Variants in KCNT1 observed in about 807,000 individuals in gnomAD.
KCNT1 encodes potassium sodium-activated channel subfamily T member 1, also known as potassium channel subfamily T member 1.
Under a neutral mutation model 147.8 loss-of-function variants are expected in KCNT1, and 78 were observed. That is an observed-to-expected ratio of 0.53 (90% CI 0.44 to 0.64). The LOEUF (loss-of-function observed/expected upper bound fraction) is 0.64. Among genes scored for constraint, KCNT1 ranks in the 30% least tolerant of loss-of-function variants. The pLI is 0.00. For synonymous variants in KCNT1, 867 were observed against 748.8 expected, an observed-to-expected ratio of 1.16 and a Z score of -2.58; for missense variants, 1,419 against 1,750.3, an observed-to-expected ratio of 0.81 and a Z score of 3.38.
intron 11 of KCNT1, among the ~76,000 whole-genome samples, chr9:135,762,269 C>T (rs1374306763): frequency 6.6e-6 from 1 of 152,192 alleles, no homozygotes; most frequent in East Asian, 1.9e-4. Context: ...CGTAGAGAGA[C>T]TCCCATCTCT....
At chr9:135,775,464 G>C (rs369574324) in intron 20 of KCNT1, 49 bp downstream of exon 20, 4 of 1,414,224 alleles carry the variant, frequency 2.8e-6, no homozygotes, top group Non-Finnish European at 3.9e-6. Flanking sequence ...CGCCAGCACC[G>C]GGCCGTGCAT....
chr9:135,771,158 A>T, intron 18 of KCNT1, 63 bp downstream of exon 18: 1 of 1,454,594 alleles, frequency 6.9e-7, no homozygotes, highest in Non-Finnish European at 9.4e-7. Flanking sequence ...ACCAGGCGGG[A>T]CACCGGCAGG....
chr9:135,770,178 C>A, intron 16 of KCNT1, 120 bp from the exon 17 acceptor site: 1 of 1,402,870 alleles, frequency 7.1e-7, no homozygotes, highest in South Asian at 1.3e-5. Context: ...GGGCAAAAGT[C>A]CTGCATAGGG....
chr9:135,721,059 G>A lies in KCNT1; in HGVS notation c.254+6339G>A, dbSNP rs562107386. Among the ~76,000 whole-genome samples, 46 of 152,340 alleles carry A rather than the reference G, an allele frequency of 3.0e-4. 1 individual carries two copies. The South Asian group carries it at 8.7e-3, about 29-fold the overall frequency. On this transcript the variant is annotated intron_variant, in intron 2 of 30. Transcript: ENST00000371757. ...GGCCGTGAAGGTTCGAGGAGGAGTC[G>A]GGGAACCATGCAGGGTGAGGGCTGG...
chr9:135,735,259 T>G (rs1830287712), intron 2 of KCNT1, among the ~76,000 whole-genome samples: 1 of 152,186 alleles, frequency 6.6e-6, no homozygotes, highest in African/African-American at 2.4e-5. Flanking sequence ...GGGAGGGCGC[T>G]AGGGCAGGTA....
At position 135,710,928 on chromosome 9, in the gene KCNT1, C is replaced by T. The variant is rs1471157136; in HGVS notation, c.111-3649C>T. On this transcript the variant is annotated intron_variant, in intron 1 of 30. Coordinates refer to ENST00000371757, the MANE Select transcript of KCNT1 (RefSeq NM_020822.3). Reference sequence around the variant, plus strand: ...CAGTCCATCTCTCAGGAACGCTGTGCGCCCCTGTGGGTTTGGGGCTCCCGC... The same window carrying T: ...CAGTCCATCTCTCAGGAACGCTGTGTGCCCCTGTGGGTTTGGGGCTCCCGC... 2.0e-5 allele frequency among the ~76,000 whole-genome samples: 3 copies of T among 152,274 alleles called. No homozygotes were observed. In the South Asian group the frequency reaches 6.2e-4, roughly 32 times the overall value.
rs1325716557 is a variant in KCNT1 at position 135,714,426 on chromosome 9, G to A, written c.111-151G>A. On this transcript the variant is annotated intron_variant, in intron 1 of 30. Coordinates refer to ENST00000371757, the MANE Select transcript of KCNT1 (RefSeq NM_020822.3). The surrounding 1 kb of genome is among the most constrained non-coding windows in gnomAD (Gnocchi z 6.2). ...CCGCGCGCCCCCGCCCGCATGTGCC[G>A]CCAGGCCCGCCCCCGCCCGGCCGCC... 7.5e-6 allele frequency: 2 copies of A among 266,030 alleles called. No homozygotes were observed. Among genetic ancestry groups the A allele is most frequent in the Non-Finnish European group, 1.1e-5 (2 of 177,258 alleles). 16.5% of individuals were successfully genotyped at this position (266,030 alleles called of 1,614,324 possible).
In KCNT1 at chr9:135,786,267, C is replaced by A; in HGVS notation, c.3248C>A (p.Ala1083Asp). The A allele has an allele frequency of 6.2e-7, 1 of 1,610,644 alleles. No homozygotes were observed. The highest frequency in any genetic ancestry group is 8.5e-7 in the Non-Finnish European group (1 of 1,179,252). ...GTGAAGGGGCCCTGGGGCTCCCGCG[C>A]TGGCACCGGAGGCAGCTCCCAGGGC... ...REVKGPWGSR[A>D]GTGGSSQGRH... The change falls in exon 29 of 31, where the codon GCT (alanine) becomes GAT (aspartate). Residue 1083 changes from alanine to aspartate, a missense_variant. Coordinates refer to ENST00000371757, the MANE Select transcript of KCNT1 (RefSeq NM_020822.3).
At chr9:135,754,059 T>A in intron 5 of KCNT1, 66 bp downstream of exon 5, 2 of 1,400,210 alleles carry the variant, frequency 1.4e-6, no homozygotes, top group Non-Finnish European at 2.0e-6. Flanking sequence ...TGGGGTGGGA[T>A]GAGTCTCCAC....
rs1180948149 is a variant in KCNT1 at position 135,714,909 on chromosome 9, A to AG, written c.254+194dup. Reference sequence around the variant, plus strand: ...GGGCAGGGGGAAGCATCTTCTCGGGAGGGGGTCTCCGGAGGAGGGCGCGGG... The same window carrying AG: ...GGGCAGGGGGAAGCATCTTCTCGGGAGGGGGGTCTCCGGAGGAGGGCGCGGG... On this transcript the variant is annotated intron_variant, in intron 2 of 30. Coordinates refer to ENST00000371757, the MANE Select transcript of KCNT1 (RefSeq NM_020822.3). The surrounding 1 kb of genome is among the most constrained non-coding windows in gnomAD (Gnocchi z 6.2). Among the ~76,000 whole-genome samples, 3 of 151,902 alleles carry AG rather than the reference A, an allele frequency of 2.0e-5. No homozygotes were observed. The highest frequency in any genetic ancestry group is 4.4e-5 in the Non-Finnish European group (3 of 67,952).
In KCNT1 at chr9:135,785,318, C is replaced by T. The variant is rs1215367141; in HGVS notation, c.3165C>T (p.Asp1055=). The change falls in exon 28 of 31, where the codon GAC becomes GAT. Residue 1055 remains aspartate, a synonymous_variant. Coordinates refer to ENST00000371757, the MANE Select transcript of KCNT1 (RefSeq NM_020822.3). ...SHVFSTSEPH[D]LRAQSQISVN... ...GCCTGTTTCCTTTGCAGCCCCACGA[C>T]CTCAGAGCCCAGGTAAGCAACCCCT... 6.2e-7 allele frequency: 1 copy of T among 1,613,056 alleles called. No individual in the cohort carries two copies. Among genetic ancestry groups the T allele is most frequent in the South Asian group, 1.1e-5 (1 of 91,084 alleles).
chr9:135,770,782 T>C, intron 17 of KCNT1, 75 bp from the exon 18 acceptor site: 1 of 1,365,482 alleles, frequency 7.3e-7, no homozygotes, highest in Non-Finnish European at 1.0e-6. Flanking sequence ...TCTGGTGATT[T>C]GCAGGAAGGG....
chr9:135,771,913 C>T (rs559270165), intron 18 of KCNT1, among the ~76,000 whole-genome samples: 1 of 152,346 alleles, frequency 6.6e-6, no homozygotes, highest in African/African-American at 2.4e-5. Flanking sequence ...TGGGGCACCC[C>T]AGCACGCCCA....
intron 27 of KCNT1, among the ~76,000 whole-genome samples, 160 bp downstream of exon 27, chr9:135,785,049 C>T (rs936125540): frequency 6.6e-6 from 1 of 152,186 alleles, no homozygotes; most frequent in African/African-American, 2.4e-5. Context: ...ATCAGCTTTG[C>T]TATTGCTGGC....
chr9:135,761,221 C>T (rs1376630607), intron 11 of KCNT1, among the ~76,000 whole-genome samples: 2 of 152,208 alleles, frequency 1.3e-5, no homozygotes, highest in Non-Finnish European at 2.9e-5. Flanking sequence ...ATCATTCCCT[C>T]CCTCGATCAT....
At chr9:135,786,640 GTCTGTCT>G in intron 29 of KCNT1, 119 bp downstream of exon 29, 1 of 983,520 alleles carries the variant, frequency 1.0e-6, no homozygotes, top group South Asian at 1.8e-5. Flanking sequence ...TCTGTCATCT[GTCTGTCT>G]GTCAGCCTTT....
intron 21 of KCNT1, 123 bp downstream of exon 21, chr9:135,777,633 C>G: frequency 1.1e-6 from 1 of 891,972 alleles, no homozygotes. Context: ...GGCCTCTGGC[C>G]TGGTCCTCTC....
At chr9:135,766,916 C>G (rs1163759525) in intron 13 of KCNT1, 1 of 152,208 alleles carries the variant, frequency 6.6e-6, no homozygotes, top group African/African-American at 2.4e-5. Flanking sequence ...GGAGAGTCAG[C>G]TGCTGTGAGT....
intron 2 of KCNT1, among the ~76,000 whole-genome samples, chr9:135,743,447 C>T (rs1407317056): frequency 2.6e-5 from 4 of 152,170 alleles, no homozygotes; most frequent in African/African-American, 9.7e-5. Context: ...ACTCAGCACT[C>T]ACGGCTGTTG....
Sources: gnomAD v4.1 joint callset for allele counts (sites outside exome capture counted in the v4.1 genomes callset) on GRCh38, gnomAD v4.1.1 for gene constraint, Gnocchi (gnomAD v3.1) non-coding constraint, MANE v1.5 for transcripts, NCBI Gene and HGNC (gene_info 2026-07-23, HGNC 2026-07-21) for gene names.